CNTNAP5: variants seen among roughly 807,000 people sequenced by gnomAD.
CNTNAP5 encodes the protein contactin associated protein family member 5.
A neutral mutation model predicts 150.2 loss-of-function variants in CNTNAP5; 72 were observed. The ratio of observed to expected loss-of-function variants is 0.48; its 90% CI spans 0.40 to 0.58. The LOEUF (loss-of-function observed/expected upper bound fraction) is 0.58. CNTNAP5 is among the 20% of genes least tolerant of loss of function. CNTNAP5 has a pLI of 0.00. For missense variants in CNTNAP5, 1,636 were observed against 1,626.2 expected (o/e 1.01, Z -0.10); for synonymous variants, 672 against 619.8 (o/e 1.08, Z -1.25).
At chr2:124,477,019 T>G (rs1360052164) in intron 7 of CNTNAP5, among the ~76,000 whole-genome samples, 2 of 152,168 alleles carry the variant, frequency 1.3e-5, no homozygotes, top group Non-Finnish European at 2.9e-5. Flanking sequence ...GATTTTTATA[T>G]ATCCTTTATT....
At chr2:124,831,708 A>C (rs1316486590) in intron 19 of CNTNAP5, among the ~76,000 whole-genome samples, 5 of 151,294 alleles carry the variant, frequency 3.3e-5, no homozygotes, top group Non-Finnish European at 7.4e-5. Context: ...TTTTTCTCTC[A>C]ATTGAAAATG....
chr2:124,309,523 C>T (rs940529463), intron 3 of CNTNAP5, among the ~76,000 whole-genome samples: 6 of 152,092 alleles, frequency 3.9e-5, no homozygotes, highest in African/African-American at 1.4e-4. Flanking sequence ...ATCTTCAAAG[C>T]CAGCAGTTAC....
chr2:124,850,328 A>G (rs1683129599), intron 19 of CNTNAP5, among the ~76,000 whole-genome samples: 1 of 152,216 alleles, frequency 6.6e-6, no homozygotes, highest in African/African-American at 2.4e-5. Context: ...AAATCCAATG[A>G]CTGGTGTCTT....
At chr2:124,707,183 GAAGAAGAAGAAGAAGAAGAAGAAT>G (rs1482377138) in intron 13 of CNTNAP5, among the ~76,000 whole-genome samples, 5 of 146,274 alleles carry the variant, frequency 3.4e-5, no homozygotes, top group East Asian at 2.1e-4. Context: ...AGAAGAAGAA[GAAGAAGAAGAAGAAGAAGAAGAAT>G]AAACAACTTG....
intron 1 of CNTNAP5, among the ~76,000 whole-genome samples, chr2:124,178,736 CT>C (rs1013258230): frequency 6.6e-6 from 1 of 151,902 alleles, no homozygotes; most frequent in Non-Finnish European, 1.5e-5. Context: ...TGGTTTTGGA[CT>C]TTTTTTAAAG....
At chr2:124,748,014 AG>A (rs1446808762) in intron 14 of CNTNAP5, among the ~76,000 whole-genome samples, 1 of 151,664 alleles carries the variant, frequency 6.6e-6, no homozygotes, top group African/African-American at 2.4e-5. Context: ...CGATTGAGTC[AG>A]GGTATTTATG....
chr2:124,554,035 T>C (rs1558951346), intron 10 of CNTNAP5, among the ~76,000 whole-genome samples: 2 of 152,206 alleles, frequency 1.3e-5, no homozygotes. Context: ...TTATTTTTGG[T>C]TTTAAAAAAG....
At chr2:124,812,503 G>A (rs1306324683) in intron 19 of CNTNAP5, among the ~76,000 whole-genome samples, 1 of 152,036 alleles carries the variant, frequency 6.6e-6, no homozygotes, top group African/African-American at 2.4e-5. Flanking sequence ...TTCAGGAAAA[G>A]TCAACTAGCA....
At chr2:124,713,308 CT>C (rs1558746876) in intron 13 of CNTNAP5, among the ~76,000 whole-genome samples, 134 of 57,294 alleles carry the variant, frequency 2.3e-3, no homozygotes, top group Middle Eastern at 0.019. Context: ...TTTCTTCTTT[CT>C]CTTTCTTTCC....
At chr2:124,404,195 G>C (rs577352168) in intron 3 of CNTNAP5, among the ~76,000 whole-genome samples, 10 of 152,332 alleles carry the variant, frequency 6.6e-5, no homozygotes, top group African/African-American at 1.4e-4. Context: ...ACTTGCAACA[G>C]AGTCTCCCTG....
intron 1 of CNTNAP5, among the ~76,000 whole-genome samples, chr2:124,094,130 T>A (rs1386383629): frequency 1.3e-5 from 2 of 152,204 alleles, no homozygotes; most frequent in African/African-American, 4.8e-5. Context: ...TGTTGGTGTG[T>A]GAATAAAGGG....
chr2:124,609,819 G>A lies in CNTNAP5; in HGVS notation c.1775G>A (p.Cys592Tyr). ...TTTCCAGCCATCTACGAGCAATCCT[G>A]CGAGGTGTACAGGCACCAGGGGAAT... The part of the protein sequence containing the change: ...TCHNSIYEQS[C>Y]EVYRHQGNTA... Residue 592 changes from cysteine (C) to tyrosine (Y), a missense_variant, in exon 12 of 24, where the codon TGC becomes TAC. Cys to Tyr is a radical substitution (Grantham distance 194). Coordinates refer to ENST00000682447, the MANE Select transcript of CNTNAP5 (RefSeq NM_001367498.1). 6.2e-7 allele frequency: 1 copy of A among 1,613,956 alleles called. No homozygotes were observed. Among genetic ancestry groups the A allele is most frequent in the Non-Finnish European group, 8.5e-7 (1 of 1,179,862 alleles).
chr2:124,225,324 C>T (rs910921147), intron 2 of CNTNAP5, among the ~76,000 whole-genome samples: 5 of 152,126 alleles, frequency 3.3e-5, no homozygotes, highest in Admixed American at 1.3e-4. Flanking sequence ...AAAGCAATGG[C>T]CATGCCCGGC....
chr2:124,655,453 G>A (rs764248879), intron 13 of CNTNAP5, among the ~76,000 whole-genome samples: 7 of 151,792 alleles, frequency 4.6e-5, no homozygotes, highest in Non-Finnish European at 8.8e-5. Flanking sequence ...TGCAATAAAC[G>A]TACGTGTGCA....
At chr2:124,049,095 G>A (rs1681622368) in intron 1 of CNTNAP5, among the ~76,000 whole-genome samples, 2 of 152,198 alleles carry the variant, frequency 1.3e-5, no homozygotes, top group African/African-American at 4.8e-5. Context: ...CTGCTCTGCA[G>A]AGGTCACTTT....
chr2:124,763,645 T>C (rs1400812277), intron 14 of CNTNAP5, 27 bp from the exon 15 acceptor site: 2 of 1,600,680 alleles, frequency 1.2e-6, no homozygotes, highest in Non-Finnish European at 8.5e-7. Flanking sequence ...TTTTGTCCTC[T>C]TTTTTTCTTA....
chr2:124,172,429 T>G (rs1684955182), intron 1 of CNTNAP5, among the ~76,000 whole-genome samples: 1 of 152,164 alleles, frequency 6.6e-6, no homozygotes, highest in Non-Finnish European at 1.5e-5. Context: ...TTTCTTTCTT[T>G]TGAGACATGG....
intron 21 of CNTNAP5, among the ~76,000 whole-genome samples, chr2:124,872,363 GT>G (rs1431102525): frequency 2.8e-5 from 4 of 143,882 alleles, no homozygotes; most frequent in Non-Finnish European, 6.0e-5. Flanking sequence ...GTGGTAACTT[GT>G]TTCCTTATGC....
At chr2:124,548,451 C>G (rs1695561803) in intron 10 of CNTNAP5, among the ~76,000 whole-genome samples, 1 of 152,176 alleles carries the variant, frequency 6.6e-6, no homozygotes, top group Non-Finnish European at 1.5e-5. Context: ...ACCAGGTTTG[C>G]TGTTCACAAG....
Sources: gnomAD v4.1 joint callset for allele counts (sites outside exome capture counted in the v4.1 genomes callset) on GRCh38, gnomAD v4.1.1 for gene constraint, MANE v1.5 for transcripts, NCBI Gene and HGNC (gene_info 2026-07-23, HGNC 2026-07-21) for gene names.